NEB: variants seen among roughly 807,000 people sequenced by gnomAD.
NEB encodes the protein nemaline myopathy type 2.
Under a neutral mutation model 952.2 loss-of-function variants are expected in NEB, and 512 were observed. That is an observed-to-expected ratio of 0.54 (90% confidence interval 0.50 to 0.58). The LOEUF is 0.58. Among genes scored for constraint, NEB ranks in the 20% least tolerant of loss-of-function variants. The pLI is 0.00. For synonymous variants in NEB, 2,900 were observed against 3,149.8 expected (o/e 0.92, Z 2.66); for missense variants, 8,428 against 9,231.1 (o/e 0.91, Z 3.56).
intron 70 of NEB, among the ~76,000 whole-genome samples, chr2:151,626,065 G>A (rs764860198): frequency 6.6e-6 from 1 of 150,818 alleles, no homozygotes; most frequent in Non-Finnish European, 1.5e-5. Flanking sequence ...ACCTGTATGT[G>A]CTATCTCTAG....
chr2:151,522,551 T>A (rs1029652604), intron 153 of NEB, among the ~76,000 whole-genome samples: 1 of 152,164 alleles, frequency 6.6e-6, no homozygotes, highest in East Asian at 1.9e-4. Context: ...GAAAGTTTCA[T>A]GCAGGAAAAG....
intron 75 of NEB, among the ~76,000 whole-genome samples, chr2:151,616,352 G>T (rs1225986397): frequency 6.6e-6 from 1 of 151,898 alleles, no homozygotes; most frequent in African/African-American, 2.4e-5. Flanking sequence ...TCAACATTTG[G>T]TTGGCAAAAT....
At chr2:151,546,464 T>C (rs1362142687) in intron 133 of NEB, 21 bp from the exon 134 acceptor site, 1 of 1,502,862 alleles carries the variant, frequency 6.7e-7, no homozygotes, top group Non-Finnish European at 9.3e-7. Context: ...AACACAGAAA[T>C]ATAGCTGGTC....
intron 169 of NEB, 54 bp downstream of exon 169, chr2:151,499,244 A>C (rs1216285400): frequency 7.2e-6 from 7 of 969,422 alleles, no homozygotes; most frequent in Non-Finnish European, 9.1e-6. Flanking sequence ...TCTAGCCATT[A>C]ATCTTTTTAA....
At chr2:151,710,579 G>GACA in intron 10 of NEB, 41 bp from the exon 11 acceptor site, 1 of 1,225,978 alleles carries the variant, frequency 8.2e-7, no homozygotes, top group Non-Finnish European at 1.2e-6. Flanking sequence ...CATAACTCAT[G>GACA]AATTGACAAA....
chr2:151,514,487 G>T, intron 158 of NEB, 59 bp from the exon 159 acceptor site: 2 of 1,312,152 alleles, frequency 1.5e-6, no homozygotes, highest in East Asian at 2.3e-5. Flanking sequence ...ATTCTCTCAG[G>T]CAAAGAAGAA....
chr2:151,569,566 T>C (rs939452130), intron 109 of NEB, among the ~76,000 whole-genome samples, 194 bp from the exon 110 acceptor site: 3 of 152,212 alleles, frequency 2.0e-5, no homozygotes, highest in African/African-American at 7.2e-5. Context: ...CATATATTTT[T>C]ATTTAAAGGG....
rs1559859460 is a variant in NEB, at chr2:151,553,958, ATC to A, written c.19494_19495del (p.Glu6498AspfsTer13). ...CTTCTGGGAATCCTTGGCAGTAACCATCTCTACCATGTCGGGCACGATGTGGA... is the reference window on the plus strand; with the variant it reads ...CTTCTGGGAATCCTTGGCAGTAACCATCTACCATGTCGGGCACGATGTGGA... On this transcript the variant is annotated frameshift_variant, in exon 126 of 182. Coordinates refer to ENST00000397345, the MANE Select transcript of NEB (RefSeq NM_001164508.2). LOFTEE classifies it high-confidence loss of function. The A allele has an allele frequency of 6.2e-7, 1 of 1,613,764 alleles. No homozygotes were observed. The highest frequency in any genetic ancestry group is 8.5e-7 in the Non-Finnish European group (1 of 1,179,812).
chr2:151,630,565 G>GT (rs2098645745), intron 67 of NEB, 150 bp downstream of exon 67: 1 of 603,346 alleles, frequency 1.7e-6, no homozygotes, highest in Admixed American at 3.1e-5. Flanking sequence ...CCCATAAAAT[G>GT]TAATATTTAA....
Position 151,627,761 on chromosome 2 carries a change from T to C in NEB, c.9905A>G (p.Lys3302Arg), listed in dbSNP as rs1336510691. ...IGARNIEDDP[K>R]MMWSMHVAKI... The stretch of plus-strand genomic sequence containing the variant: ...GGCCACATGCATGGACCACATCATC[T>C]TGGGGTCATCTTCAATGTTCCGGGC... Residue 3302 changes from lysine to arginine, a missense_variant, in exon 69 of 182, where the codon AAG (lysine) becomes AGG (arginine). Coordinates refer to ENST00000397345, the MANE Select transcript of NEB (RefSeq NM_001164508.2). 2 of 1,613,844 alleles carry C rather than the reference T, an allele frequency of 1.2e-6. No homozygotes were observed.
At chr2:151,594,472 A>G (rs79748530) in intron 92 of NEB, among the ~76,000 whole-genome samples, 154 bp from the exon 93 acceptor site, 8 of 151,430 alleles carry the variant, frequency 5.3e-5, no homozygotes, top group Admixed American at 6.6e-5. Flanking sequence ...CTTTAAAGGA[A>G]TTAGATAATA....
intron 166 of NEB, 49 bp from the exon 167 acceptor site, chr2:151,502,934 GAGTA>G (rs1559298134): frequency 1.7e-6 from 2 of 1,150,036 alleles, no homozygotes; most frequent in African/African-American, 1.6e-5. Flanking sequence ...CAGGCACAGA[GAGTA>G]AGGAAGGAAG....
chr2:151,531,744 C>T, intron 144 of NEB, 48 bp downstream of exon 144: 2 of 1,387,004 alleles, frequency 1.4e-6, no homozygotes, highest in Middle Eastern at 1.8e-4. Flanking sequence ...TCCATGTTTG[C>T]AGATGCCCCC....
At chr2:151,645,203 G>T (rs77062531) in intron 55 of NEB, among the ~76,000 whole-genome samples, 3,747 of 152,254 alleles carry the variant, frequency 0.025, 63 homozygotes, top group South Asian at 0.045. Context: ...TTATTGAGGT[G>T]CTGTTTTTCA....
intron 20 of NEB, 149 bp downstream of exon 20, chr2:151,694,174 T>C: frequency 1.4e-6 from 1 of 716,678 alleles, no homozygotes; most frequent in Non-Finnish European, 2.3e-6. Flanking sequence ...AGGAAGTTCA[T>C]CTTCCTTTAG....
chr2:151,650,251 G>T lies in NEB; in HGVS notation c.7356C>A (p.Asp2452Glu). ...ISEKKYRQPP[D>E]RNKFTSIPDA... ...CAGGAATGCTGGTGAACTTGTTTCT[G>T]TCTGGAGGCTGACGATATTTCTTCT... Residue 2452 changes from aspartate (D) to glutamate (E), a missense_variant, in exon 54 of 182, where the codon GAC (aspartate) becomes GAA (glutamate). Physicochemically the swap from Asp to Glu is conservative, Grantham distance 45 (BLOSUM62 2). This residue lies in a region of NEB where 1,772 missense variants were observed against 1,960.3 expected (regional missense o/e 0.90). Coordinates refer to ENST00000397345, the MANE Select transcript of NEB (RefSeq NM_001164508.2). 1.9e-6 allele frequency: 3 copies of T among 1,613,890 alleles called. No homozygotes were observed. The highest frequency in any genetic ancestry group is 2.5e-6 in the Non-Finnish European group (3 of 1,179,846).
Position 151,655,819 on chromosome 2 carries a change from T to C in NEB, c.6700A>G (p.Lys2234Glu). Reference protein sequence around the residue: ...LAKQNAHTMNKHLYTIDWNKD... With the variant: ...LAKQNAHTMNEHLYTIDWNKD... ...TGGACGGCCACTGTTCTCTGTACCT[T>C]GTTCATGGTATGTGCATTCTGCTTG... Residue 2234 changes from lysine to glutamate, a missense_variant and splice_region_variant, in exon 50 of 182, where the codon AAG (lysine) becomes GAG (glutamate). Transcript: ENST00000397345. The C allele has an allele frequency of 6.2e-7, 1 of 1,613,520 alleles. No homozygotes were observed. Among genetic ancestry groups the C allele is most frequent in the Non-Finnish European group, 8.5e-7 (1 of 1,179,648 alleles).
Position 151,614,456 on chromosome 2 carries a change from C to T in NEB, c.11421G>A (p.Glu3807=), listed in dbSNP as rs1579378827. ...TGAACTTGGTCTTCCACTTCTCAAA[C>T]TCCTTCTTGTACTCCCTGTCACTCT... ...KIQSDREYKK[E]FEKWKTKFSS... is the part of the protein sequence containing the mutation. The change falls in exon 77 of 182, where the codon GAG becomes GAA. Residue 3807 remains glutamate, a synonymous_variant. Coordinates refer to ENST00000397345, the MANE Select transcript of NEB (RefSeq NM_001164508.2). 1.9e-6 allele frequency: 3 copies of T among 1,613,826 alleles called. No homozygotes were observed. The East Asian group carries it at 6.7e-5, about 36-fold the overall frequency.
At chr2:151,537,299 T>C in intron 140 of NEB, 63 bp from the exon 141 acceptor site, 2 of 923,072 alleles carry the variant, frequency 2.2e-6, no homozygotes. Context: ...TAAGTTAGTA[T>C]CTATACAAGT....
Sources: gnomAD v4.1 joint callset for allele counts (sites outside exome capture counted in the v4.1 genomes callset) on GRCh38, gnomAD v4.1.1 for gene constraint, gnomAD v4.1.1 regional missense constraint, MANE v1.5 for transcripts, NCBI Gene and HGNC (gene_info 2026-07-23, HGNC 2026-07-21) for gene names.